The following RPS6KA6 variants were observed in gnomAD, a reference collection of about 807,000 sequenced individuals.
The protein encoded by RPS6KA6 is ribosomal protein S6 kinase alpha-6.
In RPS6KA6, 27 loss-of-function variants were observed where a neutral mutation model predicts 65.4. The ratio of observed to expected loss-of-function variants is 0.41; its 90% CI spans 0.30 to 0.57. The LOEUF (loss-of-function observed/expected upper bound fraction) is 0.57. Among genes scored for constraint, RPS6KA6 ranks in the 20% least tolerant of loss-of-function variants. The pLI is 0.24. For missense variants in RPS6KA6, 486 were observed against 555.6 expected (o/e 0.87, Z 1.26); for synonymous variants, 190 against 184.2 (o/e 1.03, Z -0.26).
intron 18 of RPS6KA6, among the ~76,000 whole-genome samples, chrX:84,098,713 G>A (rs557963762): frequency 9.0e-6 from 1 of 110,962 alleles, no homozygotes; most frequent in South Asian, 3.8e-4. Context: ...GTTAGTGTTT[G>A]GCTTTGACAA....
intron 6 of RPS6KA6, among the ~76,000 whole-genome samples, chrX:84,139,309 G>T (rs1251223039): frequency 8.9e-6 from 1 of 111,782 alleles, no homozygotes; most frequent in East Asian, 2.8e-4. Flanking sequence ...AAAATCTAAC[G>T]CAAGAAATCA....
Position 84,064,180 on chromosome X carries a change from G to A in RPS6KA6, c.*97C>T. The A allele has an allele frequency of 1.0e-6, 1 of 957,223 alleles. No individual in the cohort carries two copies. Among genetic ancestry groups the A allele is most frequent in the Non-Finnish European group, 1.4e-6 (1 of 710,000 alleles). The allele number at this position is 957,223 out of a possible 1,213,427, so 78.9% of individuals were successfully genotyped here. ...GGATTTAATATTACTTAATATTCAAGTAATTTAGCAGACAACGATGCCTTT... is the reference window on the plus strand; with the variant it reads ...GGATTTAATATTACTTAATATTCAAATAATTTAGCAGACAACGATGCCTTT... On this transcript the variant is annotated 3_prime_UTR_variant, in exon 22 of 22. Transcript: ENST00000262752.
chrX:84,110,997 T>C (rs1273109523), intron 12 of RPS6KA6, among the ~76,000 whole-genome samples: 1 of 104,968 alleles, frequency 9.5e-6, no homozygotes, highest in Non-Finnish European at 1.9e-5. Context: ...AATAAATATA[T>C]ATATATATAT....
chrX:84,114,567 C>A (rs756152200), intron 12 of RPS6KA6, among the ~76,000 whole-genome samples: 5 of 111,211 alleles, frequency 4.5e-5, no homozygotes, highest in Non-Finnish European at 7.5e-5. Context: ...CAATTCCTAT[C>A]AAACTATGAA....
At chrX:84,169,271 A>G (rs185443372) in intron 1 of RPS6KA6, among the ~76,000 whole-genome samples, 2 of 111,650 alleles carry the variant, frequency 1.8e-5, no homozygotes, top group East Asian at 5.6e-4. Context: ...ATCAGAAAAG[A>G]CTTAAAGCAC....
intron 1 of RPS6KA6, among the ~76,000 whole-genome samples, chrX:84,168,880 T>A (rs1395775619): frequency 1.8e-5 from 2 of 111,294 alleles, no homozygotes; most frequent in Non-Finnish European, 3.8e-5. Flanking sequence ...ACTCCATTGC[T>A]CCCATCTCAT....
At chrX:84,087,050 C>T (rs188510370) in intron 20 of RPS6KA6, among the ~76,000 whole-genome samples, 31 of 111,054 alleles carry the variant, frequency 2.8e-4, no homozygotes, top group South Asian at 7.6e-4. Context: ...TGTGTGTCTT[C>T]GCAGGTGAGA....
intron 14 of RPS6KA6, 92 bp from the exon 15 acceptor site, chrX:84,106,579 T>TA: frequency 1.6e-6 from 1 of 615,690 alleles, no homozygotes; most frequent in Non-Finnish European, 2.4e-6. Context: ...TCTTAAGCCT[T>TA]AAACTAGAAT....
chrX:84,157,798 T>C (rs1381304586), intron 2 of RPS6KA6, among the ~76,000 whole-genome samples: 1 of 110,908 alleles, frequency 9.0e-6, no homozygotes, highest in Non-Finnish European at 1.9e-5. Flanking sequence ...AGGAAACAAA[T>C]TGTACTATAG....
intron 5 of RPS6KA6, among the ~76,000 whole-genome samples, chrX:84,146,664 A>G (rs1400715409): frequency 8.9e-6 from 1 of 112,035 alleles, no homozygotes; most frequent in Non-Finnish European, 1.9e-5. Context: ...TACGTAAATT[A>G]TCACAATAGT....
intron 20 of RPS6KA6, among the ~76,000 whole-genome samples, chrX:84,069,532 A>G (rs776632439): frequency 8.9e-6 from 1 of 112,315 alleles, no homozygotes; most frequent in East Asian, 2.8e-4. Context: ...AAACACCAAA[A>G]GCACTTGCAA....
chrX:84,095,581 AAAAGT>A (rs1176141093), intron 20 of RPS6KA6, among the ~76,000 whole-genome samples: 1 of 111,454 alleles, frequency 9.0e-6, no homozygotes, highest in East Asian at 2.8e-4. Context: ...CTCAGTAAGA[AAAAGT>A]AAAGAATATC....
At chrX:84,182,565 A>C (rs959915131) in intron 1 of RPS6KA6, among the ~76,000 whole-genome samples, 1 of 111,885 alleles carries the variant, frequency 8.9e-6, no homozygotes, top group African/African-American at 3.2e-5. Context: ...GGCCCAGAAA[A>C]GCAACTACAC....
intron 6 of RPS6KA6, among the ~76,000 whole-genome samples, chrX:84,143,441 A>G (rs1239270958): frequency 9.0e-6 from 1 of 111,285 alleles, no homozygotes; most frequent in Non-Finnish European, 1.9e-5. Flanking sequence ...AGTCAATTCT[A>G]TTTACAATAA....
chrX:84,131,015 T>C (rs1013439839), intron 8 of RPS6KA6, among the ~76,000 whole-genome samples: 2 of 111,906 alleles, frequency 1.8e-5, no homozygotes, highest in Non-Finnish European at 3.8e-5. Flanking sequence ...TTTGAGATGA[T>C]TGCAGATTCG....
chrX:84,174,076 A>C (rs945568907), intron 1 of RPS6KA6, among the ~76,000 whole-genome samples: 1 of 112,168 alleles, frequency 8.9e-6, no homozygotes, highest in African/African-American at 3.2e-5. Flanking sequence ...TCCAAAAATA[A>C]GATTTAGTTG....
chrX:84,105,706 T>C (rs1191138013), intron 16 of RPS6KA6, 81 bp downstream of exon 16: 8 of 555,294 alleles, frequency 1.4e-5, no homozygotes, highest in Non-Finnish European at 2.3e-5. Context: ...GCTAAAGACA[T>C]TAAAAGTTTC....
intron 9 of RPS6KA6, among the ~76,000 whole-genome samples, chrX:84,118,821 G>A (rs960540927): frequency 1.8e-5 from 2 of 111,116 alleles, no homozygotes; most frequent in African/African-American, 6.5e-5. Flanking sequence ...CACTTACAAG[G>A]CTAATCCTCC....
chrX:84,152,843 T>C lies in RPS6KA6; in HGVS notation c.258+3232A>G, dbSNP rs763416834. 1.3e-4 allele frequency among the ~76,000 whole-genome samples: 14 copies of C among 111,582 alleles called. No individual in the cohort carries two copies. The South Asian group carries it at 5.2e-3, about 41-fold the overall frequency. On this transcript the variant is annotated intron_variant, in intron 3 of 21. Coordinates refer to ENST00000262752, the MANE Select transcript of RPS6KA6 (RefSeq NM_014496.5). The stretch of plus-strand genomic sequence containing the variant: ...CTTGGAACATGACTGTATTTGAGGA[T>C]AGGGTGCTTAAAGAAATAATTAAAG...
Sources: allele counts gnomAD v4.1 joint callset (sites outside exome capture counted in the v4.1 genomes callset), GRCh38; gene constraint gnomAD v4.1.1; transcripts MANE v1.5; gene names NCBI Gene and HGNC (gene_info 2026-07-23, HGNC 2026-07-21).